The following TMEM145 variants were observed in gnomAD, a reference collection of about 807,000 sequenced individuals.
TMEM145 encodes the protein transmembrane protein 145.
TMEM145 carries 46 observed loss-of-function variants against 68.5 expected under a neutral mutation model. The observed-to-expected ratio is 0.67, with a 90% confidence interval of 0.53 to 0.86. The LOEUF is 0.86. Ranked by LOEUF, TMEM145 falls within the 40% of genes least tolerant of loss-of-function variation. TMEM145 has a pLI of 0.00. For synonymous variants in TMEM145, 255 were observed against 280.2 expected (o/e 0.91, Z 0.90); for missense variants, 570 against 645.8 (o/e 0.88, Z 1.27).
Position 42,313,445 on chromosome 19 carries a change from G to C in TMEM145, c.69G>C (p.Leu23=), listed in dbSNP as rs1010463205. Residue 23 remains leucine, a synonymous_variant, in exon 1 of 15, where the codon CTG becomes CTC. Transcript: ENST00000301204. This position sits in a 1 kb window ranked among gnomAD's most constrained non-coding sequence, Gnocchi z 5.1. The part of the protein sequence containing the change: ...LPPLLLLLLS[L]PPRARAKYVR... ...CGCTGCTGCTCCTGCTGCTGTCACT[G>C]CCCCCCCGCGCCCGGGCCAAGTACG... 1 of 1,371,632 alleles carries C rather than the reference G, an allele frequency of 7.3e-7. No individual in the cohort carries two copies. The highest frequency in any genetic ancestry group is 9.4e-7 in the Non-Finnish European group (1 of 1,059,096). 85.0% of individuals were successfully genotyped at this position (1,371,632 alleles called of 1,614,324 possible).
intron 13 of TMEM145, 147 bp from the exon 14 acceptor site, chr19:42,323,436 C>T (rs1350786772): frequency 4.1e-6 from 3 of 739,754 alleles, no homozygotes; most frequent in Non-Finnish European, 6.7e-6. Context: ...ATTTGGAGAG[C>T]CCAGAGGGGA....
intron 14 of TMEM145, 97 bp downstream of exon 14, chr19:42,323,886 C>G: frequency 9.2e-7 from 1 of 1,088,710 alleles, no homozygotes; most frequent in Non-Finnish European, 1.3e-6. Flanking sequence ...AGCGCCCGGA[C>G]CCCTGAGCCC....
At position 42,324,985 on chromosome 19, in the gene TMEM145, G is replaced by A; in HGVS notation, c.*168G>A. ...TCCATCTGCCGCATCTCCATTCCGG[G>A]GGCCTTCCCTCGGGTCCCTGGCAGA... is the stretch of plus-strand genomic sequence containing the variant. On this transcript the variant is annotated 3_prime_UTR_variant, in exon 15 of 15. Coordinates refer to ENST00000301204, the MANE Select transcript of TMEM145 (RefSeq NM_173633.3). 8.6e-7 allele frequency: 1 copy of A among 1,162,814 alleles called. No homozygotes were observed. The highest frequency in any genetic ancestry group is 3.2e-5 in the East Asian group (1 of 31,148). The allele number at this position is 1,162,814 out of a possible 1,614,324, so 72.0% of individuals were successfully genotyped here.
intron 8 of TMEM145, 137 bp downstream of exon 8, chr19:42,315,577 G>A: frequency 1.1e-6 from 1 of 907,244 alleles, no homozygotes; most frequent in Non-Finnish European, 1.7e-6. Context: ...GGACTCCTGG[G>A]TCCAAGGGAG....
chr19:42,324,236 C>G (rs1459908678), intron 14 of TMEM145: 4 of 983,346 alleles, frequency 4.1e-6, no homozygotes, highest in Non-Finnish European at 4.8e-6. Flanking sequence ...CATCTGCCCC[C>G]CGAGGGTCCC....
intron 12 of TMEM145, among the ~76,000 whole-genome samples, chr19:42,318,202 C>T (rs963616186): frequency 6.6e-6 from 1 of 151,482 alleles, no homozygotes; most frequent in Non-Finnish European, 1.5e-5. Context: ...CCCGTCTCTA[C>T]TAAAAATACA....
intron 12 of TMEM145, among the ~76,000 whole-genome samples, chr19:42,319,650 A>G (rs2038892729): frequency 1.3e-5 from 2 of 150,392 alleles, no homozygotes; most frequent in Non-Finnish European, 2.9e-5. Context: ...TTTCCACCAT[A>G]TTGGCCAGGC....
At chr19:42,321,403 T>G (rs2038910887) in intron 13 of TMEM145, 4 of 339,566 alleles carry the variant, frequency 1.2e-5, no homozygotes, top group Non-Finnish European at 2.1e-5. Context: ...TTTTTTTTTT[T>G]TTTTGAGACG....
Position 42,321,365 on chromosome 19 carries a change from G to A in TMEM145, c.1194+928G>A, listed in dbSNP as rs138489093. The A allele has an allele frequency of 5.5e-3, 1,986 of 360,116 alleles. 46 individuals carry two copies. The highest frequency in any genetic ancestry group is 0.039 in the African/African-American group (1,801 of 45,674). The allele number at this position is 360,116 out of a possible 1,614,324, so 22.3% of individuals were successfully genotyped here. On this transcript the variant is annotated intron_variant, in intron 13 of 14. Transcript: ENST00000301204. ...GGAGTAGCTGGGACTACAGGAGCAC[G>A]CCACCATGCCCGGTTAAGTGGTTTT... is the stretch of plus-strand genomic sequence containing the variant.
rs377216123 is a variant in TMEM145, at chr19:42,320,419, C to T, written c.1176C>T (p.Tyr392=). ...GCATCCAGCTGGGGATCCACTTGTA[C>T]GCCCATGGCGTGTTTCTGGTGAGGA... is the stretch of plus-strand genomic sequence containing the variant. ...VNGIQLGIHL[Y]AHGVFLIMTR... The change falls in exon 13 of 15, where the codon TAC becomes TAT. Residue 392 remains tyrosine (Y), a synonymous_variant. Coordinates refer to ENST00000301204, the MANE Select transcript of TMEM145 (RefSeq NM_173633.3). 2.6e-4 allele frequency: 420 copies of T among 1,614,020 alleles called. No individual in the cohort carries two copies. In the Middle Eastern group the frequency reaches 3.1e-3, roughly 12 times the overall value.
rs1392141186 is a variant in TMEM145, at chr19:42,317,743, A to G, written c.935A>G (p.Glu312Gly). ...FDPGQVLYTYESPAGYGLIGL... is the reference protein window; with the variant it reads ...FDPGQVLYTYGSPAGYGLIGL... ...CCAGGCCAGGTACTGTACACGTATG[A>G]GTCGCCGGCCGGCTACGGGCTCATT... The change falls in exon 12 of 15, where the codon GAG (glutamate) becomes GGG (glycine). Residue 312 changes from glutamate (E) to glycine (G), a missense_variant. Physicochemically the swap from Glu to Gly is moderately conservative, Grantham distance 98 (BLOSUM62 -2). Transcript: ENST00000301204. 6.2e-7 allele frequency: 1 copy of G among 1,614,156 alleles called. No homozygotes were observed. The highest frequency in any genetic ancestry group is 1.7e-5 in the Admixed American group (1 of 60,022).
chr19:42,313,844 G>A lies in TMEM145; in HGVS notation c.120+348G>A, dbSNP rs1330523827. On this transcript the variant is annotated intron_variant, in intron 1 of 14. Coordinates refer to ENST00000301204, the MANE Select transcript of TMEM145 (RefSeq NM_173633.3). This position sits in a 1 kb window ranked among gnomAD's most constrained non-coding sequence, Gnocchi z 5.1. ...GCCCCGAGCTCGCCGCCACACTCCCGCTCAGGACCGGGAGGGGGCCGTTTG... is the reference window on the plus strand; with the variant it reads ...GCCCCGAGCTCGCCGCCACACTCCCACTCAGGACCGGGAGGGGGCCGTTTG... Among the ~76,000 whole-genome samples, 1 of 152,070 alleles carries A rather than the reference G, an allele frequency of 6.6e-6. No homozygotes were observed. Among genetic ancestry groups the A allele is most frequent in the Non-Finnish European group, 1.5e-5 (1 of 67,998 alleles).
At chr19:42,315,558 TG>T in intron 8 of TMEM145, 118 bp downstream of exon 8, 4 of 770,656 alleles carry the variant, frequency 5.2e-6, no homozygotes, top group Admixed American at 2.6e-5. Flanking sequence ...GAGGAGGGGC[TG>T]GGGGCCTGGA....
intron 10 of TMEM145, 60 bp downstream of exon 10, chr19:42,316,800 TG>T (rs1568547370): frequency 1.0e-6 from 1 of 981,860 alleles, no homozygotes; most frequent in Non-Finnish European, 1.5e-6. Flanking sequence ...GGGGCAGGGT[TG>T]GGGGGCTGGG....
intron 13 of TMEM145, chr19:42,321,105 C>G (rs1046705574): frequency 2.5e-6 from 1 of 398,908 alleles, no homozygotes. Flanking sequence ...TCTCTCCACT[C>G]TCCCCCTGCC....
Position 42,316,466 on chromosome 19 carries a change from C to G in TMEM145, c.647-15C>G, listed in dbSNP as rs774800419. On this transcript the variant is annotated splice_polypyrimidine_tract_variant and intron_variant, in intron 8 of 14. Transcript: ENST00000301204. ...CTGCTTTCTATCCTTTCTTATCTGC[C>G]CATCCTCCCCTCAGTCCTGAGCCTC... The G allele has an allele frequency of 6.2e-7, 1 of 1,613,264 alleles. No individual in the cohort carries two copies. Among genetic ancestry groups the G allele is most frequent in the Admixed American group, 1.7e-5 (1 of 60,022 alleles).
intron 13 of TMEM145, among the ~76,000 whole-genome samples, chr19:42,320,734 T>C (rs557220885): frequency 3.0e-4 from 45 of 152,114 alleles, no homozygotes; most frequent in Middle Eastern, 3.4e-3. Context: ...TTCAAGTGAT[T>C]CTTCTGCCTC....
At chr19:42,318,708 T>G (rs1360400937) in intron 12 of TMEM145, among the ~76,000 whole-genome samples, 2 of 143,666 alleles carry the variant, frequency 1.4e-5, no homozygotes, top group African/African-American at 5.2e-5. Flanking sequence ...AAAAACAGGA[T>G]CTCCTCAAAG....
Position 42,324,912 on chromosome 19 carries a change from G to C in TMEM145, c.*95G>C. On this transcript the variant is annotated 3_prime_UTR_variant, in exon 15 of 15. Transcript: ENST00000301204. ...CCCCGGGATGGATATTGCGATGCTG[G>C]TCTCGACCCTGAAACCCTCCCTCGG... is the stretch of plus-strand genomic sequence containing the variant. 7.4e-7 allele frequency: 1 copy of C among 1,345,510 alleles called. No homozygotes were observed. Among genetic ancestry groups the C allele is most frequent in the Non-Finnish European group, 9.5e-7 (1 of 1,049,672 alleles). 83.3% of individuals were successfully genotyped at this position (1,345,510 alleles called of 1,614,324 possible). A position where few individuals can be genotyped will look rare whatever the true frequency, so the allele number is the denominator to read the frequency against.
Sources: gnomAD v4.1 joint callset for allele counts (sites outside exome capture counted in the v4.1 genomes callset) on GRCh38, gnomAD v4.1.1 for gene constraint, Gnocchi (gnomAD v3.1) non-coding constraint, MANE v1.5 for transcripts, NCBI Gene and HGNC (gene_info 2026-07-23, HGNC 2026-07-21) for gene names.